Variants in UQCRC2 observed in about 807,000 individuals in gnomAD.
UQCRC2 encodes the protein ubiquinol-cytochrome c reductase core protein 2, also known as cytochrome b-c1 complex subunit 2, mitochondrial.
A neutral mutation model predicts 55.6 loss-of-function variants in UQCRC2; 49 were observed. That is an observed-to-expected ratio of 0.88 (90% CI 0.70 to 1.12). The LOEUF is 1.12. UQCRC2 is among the 50% of genes most tolerant of loss of function. The pLI is 0.00. For missense variants in UQCRC2, 506 were observed against 547.8 expected, an observed-to-expected ratio of 0.92 and a Z score of 0.76; for synonymous variants, 193 against 192.0, an observed-to-expected ratio of 1.01 and a Z score of -0.04.
intron 10 of UQCRC2, among the ~76,000 whole-genome samples, chr16:21,973,629 A>G (rs1174307626): frequency 2.6e-5 from 4 of 152,238 alleles, no homozygotes; most frequent in African/African-American, 9.6e-5. Flanking sequence ...ACCTTTAATC[A>G]TCTAAAGCAG....
chr16:21,978,736 A>G (rs1002960763), intron 12 of UQCRC2, among the ~76,000 whole-genome samples: 1 of 152,240 alleles, frequency 6.6e-6, no homozygotes. Flanking sequence ...CTGAAGAAAT[A>G]GAATGGAGGC....
chr16:21,956,488 G>T (rs970500481), intron 1 of UQCRC2, among the ~76,000 whole-genome samples: 5 of 152,192 alleles, frequency 3.3e-5, no homozygotes, highest in Admixed American at 3.3e-4. Flanking sequence ...ACATTGCAAT[G>T]ACCCGAGATC....
chr16:21,953,501 G>T, intron 1 of UQCRC2, 45 bp downstream of exon 1: 1 of 1,604,796 alleles, frequency 6.2e-7, no homozygotes, highest in East Asian at 2.2e-5. Flanking sequence ...GGAGCAGTGT[G>T]TCGACAAGGT....
chr16:21,980,757 A>G, intron 13 of UQCRC2, 57 bp downstream of exon 13: 1 of 1,593,866 alleles, frequency 6.3e-7, no homozygotes, highest in Non-Finnish European at 8.6e-7. Flanking sequence ...TAATGATCCA[A>G]TTTCAGAAGG....
At chr16:21,969,305 G>A (rs962246610) in intron 8 of UQCRC2, among the ~76,000 whole-genome samples, 5 of 152,152 alleles carry the variant, frequency 3.3e-5, no homozygotes, top group African/African-American at 4.8e-5. Flanking sequence ...AGGCTGAGGC[G>A]GGCGGATCAC....
intron 4 of UQCRC2, among the ~76,000 whole-genome samples, chr16:21,961,664 A>ATATATATG (rs1261737606): frequency 7.7e-5 from 8 of 103,986 alleles, no homozygotes; most frequent in Non-Finnish European, 1.5e-4. Context: ...ATATATATAT[A>ATATATATG]TATATTTTAG....
chr16:21,973,013 T>C (rs1005752719), intron 10 of UQCRC2, among the ~76,000 whole-genome samples: 2 of 152,300 alleles, frequency 1.3e-5, no homozygotes, highest in South Asian at 4.1e-4. Context: ...GGCAGAAGAA[T>C]CACTTGAACC....
chr16:21,980,882 G>A (rs1056251044), intron 13 of UQCRC2, among the ~76,000 whole-genome samples, 182 bp downstream of exon 13: 2 of 152,108 alleles, frequency 1.3e-5, no homozygotes, highest in Non-Finnish European at 2.9e-5. Flanking sequence ...CTGTCAGCTC[G>A]AGTATATGTA....
intron 12 of UQCRC2, among the ~76,000 whole-genome samples, chr16:21,978,148 G>A (rs995399547): frequency 6.6e-6 from 1 of 152,172 alleles, no homozygotes; most frequent in Non-Finnish European, 1.5e-5. Context: ...CCATTTTGAT[G>A]GAGTTGATAC....
intron 10 of UQCRC2, among the ~76,000 whole-genome samples, chr16:21,972,873 G>A (rs952901983): frequency 6.6e-6 from 1 of 152,178 alleles, no homozygotes. Context: ...AGGCCAAGTT[G>A]GGCGGATCAC....
chr16:21,976,724 A>G (rs546946577), intron 12 of UQCRC2: 2 of 152,724 alleles, frequency 1.3e-5, no homozygotes, highest in South Asian at 4.1e-4. Context: ...TCAAACCATC[A>G]TAAGTTAAGT....
At chr16:21,969,040 T>C (rs962586851) in intron 8 of UQCRC2, among the ~76,000 whole-genome samples, 3 of 152,218 alleles carry the variant, frequency 2.0e-5, no homozygotes, top group Admixed American at 6.5e-5. Context: ...AATATGTTTG[T>C]ATATGTGTAG....
chr16:21,981,238 TC>T (rs1335859346), intron 13 of UQCRC2, among the ~76,000 whole-genome samples: 1 of 152,202 alleles, frequency 6.6e-6, no homozygotes, highest in Non-Finnish European at 1.5e-5. Context: ...ATATTATTGT[TC>T]CCTACAATAT....
At chr16:21,959,553 A>C (rs989499233) in intron 4 of UQCRC2, 1 of 153,948 alleles carries the variant, frequency 6.5e-6, no homozygotes, top group Non-Finnish European at 1.4e-5. Flanking sequence ...GTCATCCATA[A>C]GGGTTGGAAT....
chr16:21,957,659 A>C, intron 3 of UQCRC2, 93 bp downstream of exon 3: 4 of 1,490,026 alleles, frequency 2.7e-6, no homozygotes, highest in South Asian at 1.3e-5. Context: ...TTATATTTTG[A>C]TTCCTTGACC....
intron 10 of UQCRC2, 56 bp downstream of exon 10, chr16:21,972,178 A>G (rs1179934111): frequency 6.5e-7 from 1 of 1,532,890 alleles, no homozygotes; most frequent in Non-Finnish European, 8.9e-7. Context: ...AGTATTTAAG[A>G]TATAATTCTG....
intron 11 of UQCRC2, among the ~76,000 whole-genome samples, chr16:21,975,023 G>A (rs1190374684): frequency 6.6e-6 from 1 of 151,940 alleles, no homozygotes; most frequent in Non-Finnish European, 1.5e-5. Context: ...CTTGAAATCA[G>A]CGACCACAAA....
intron 11 of UQCRC2, among the ~76,000 whole-genome samples, chr16:21,974,305 T>G (rs1898531584): frequency 6.6e-6 from 1 of 152,024 alleles, no homozygotes; most frequent in Non-Finnish European, 1.5e-5. Context: ...GTGTAGAGAT[T>G]GTGTTGAAAT....
intron 3 of UQCRC2, among the ~76,000 whole-genome samples, chr16:21,958,078 G>A (rs1898120502): frequency 6.6e-6 from 1 of 152,074 alleles, no homozygotes; most frequent in South Asian, 2.1e-4. Flanking sequence ...ATTCTGGCTG[G>A]ACATAAATTT....
Sources: gnomAD v4.1 joint callset for allele counts (sites outside exome capture counted in the v4.1 genomes callset) on GRCh38, gnomAD v4.1.1 for gene constraint, MANE v1.5 for transcripts, NCBI Gene and HGNC (gene_info 2026-07-23, HGNC 2026-07-21) for gene names.